The following TFEB variants were observed in gnomAD, a reference collection of about 807,000 sequenced individuals.
TFEB encodes the protein transcription factor EB, also known as T-cell transcription factor EB.
TFEB carries 12 observed loss-of-function variants against 48.0 expected under a neutral mutation model. The ratio of observed to expected loss-of-function variants is 0.25; its 90% CI spans 0.16 to 0.40. TFEB has a LOEUF of 0.40. Ranked by LOEUF, TFEB falls within the 10% of genes least tolerant of loss-of-function variation. TFEB has a pLI of 1.00. For synonymous variants in TFEB, 244 were observed against 261.4 expected (o/e 0.93, Z 0.64); for missense variants, 509 against 640.3 (o/e 0.79, Z 2.21).
At position 41,734,802 on chromosome 6, in the gene TFEB, C is replaced by T. The variant is rs1207261427; in HGVS notation, c.-23+548G>A. ...GAGGGAGAGATGGTACTTCCACCCGCCCCCCCATCAGCCCAGCCCCCGGGG... is the reference window on the plus strand; with the variant it reads ...GAGGGAGAGATGGTACTTCCACCCGTCCCCCCATCAGCCCAGCCCCCGGGG... On this transcript the variant is annotated intron_variant, in intron 1 of 8. Coordinates refer to ENST00000373033, the MANE Select transcript of TFEB (RefSeq NM_001271944.2). This position sits in a 1 kb window ranked among gnomAD's most constrained non-coding sequence, Gnocchi z 4.0. 31 of 658,326 alleles carry T rather than the reference C, an allele frequency of 4.7e-5. No individual in the cohort carries two copies. The South Asian group carries it at 1.9e-3, about 40-fold the overall frequency. 40.8% of individuals were successfully genotyped at this position (658,326 alleles called of 1,614,324 possible). A position where few individuals can be genotyped will look rare whatever the true frequency, so the allele number is the denominator to read the frequency against.
intron 1 of TFEB, among the ~76,000 whole-genome samples, chr6:41,697,408 C>CAAAACAAAAAAAAA (rs1769651853): frequency 1.6e-5 from 1 of 63,520 alleles, no homozygotes; most frequent in Admixed American, 2.0e-4. Flanking sequence ...AACTCCATCT[C>CAAAACAAAAAAAAA]AAAAAAAAAA....
chr6:41,735,056 C>G, intron 1 of TFEB: 3 of 985,234 alleles, frequency 3.0e-6, no homozygotes, highest in Non-Finnish European at 3.6e-6. Flanking sequence ...CATGCCCGCC[C>G]GGCCCCTCCC....
In TFEB at chr6:41,724,353, A is replaced by C. The variant is rs1235978206; in HGVS notation, c.-23+10997T>G. ...TCTGCGTCTCAGGGTGGATGAGTTT[A>C]CTGGGCCCTTTCGTGAGTGCAGGTT... On this transcript the variant is annotated intron_variant, in intron 1 of 8. Coordinates refer to ENST00000373033, the MANE Select transcript of TFEB (RefSeq NM_001271944.2). The surrounding 1 kb of genome is among the most constrained non-coding windows in gnomAD (Gnocchi z 4.4). 1.9e-4 allele frequency among the ~76,000 whole-genome samples: 29 copies of C among 152,126 alleles called. No individual in the cohort carries two copies. The highest frequency in any genetic ancestry group is 1.7e-3 in the Admixed American group (26 of 15,266).
chr6:41,735,541 G>T lies in TFEB; in HGVS notation c.-214C>A. On this transcript the variant is annotated 5_prime_UTR_variant, in exon 1 of 9. Transcript: ENST00000373033. ...GCGCCGCGGCCGCTCCCTGCGTCCC[G>T]CCCGGGCCGCCGCCTCCGCTGTCAC... 1 of 984,442 alleles carries T rather than the reference G, an allele frequency of 1.0e-6. No homozygotes were observed. Among genetic ancestry groups the T allele is most frequent in the Non-Finnish European group, 1.2e-6 (1 of 829,704 alleles). 61.0% of individuals were successfully genotyped at this position (984,442 alleles called of 1,614,324 possible).
intron 1 of TFEB, among the ~76,000 whole-genome samples, chr6:41,729,080 C>T (rs909776474): frequency 6.6e-6 from 1 of 152,000 alleles, no homozygotes; most frequent in Non-Finnish European, 1.5e-5. Flanking sequence ...ACACCAATCT[C>T]GCCCCCACTC....
At chr6:41,728,990 C>G (rs1771334916) in intron 1 of TFEB, among the ~76,000 whole-genome samples, 3 of 152,078 alleles carry the variant, frequency 2.0e-5, no homozygotes, top group Admixed American at 2.0e-4. Context: ...ATGAGGCTCT[C>G]TTCTAGGTGC....
chr6:41,706,402 G>A (rs562610742), intron 1 of TFEB, among the ~76,000 whole-genome samples: 11 of 152,276 alleles, frequency 7.2e-5, no homozygotes, highest in African/African-American at 2.6e-4. Flanking sequence ...GGGGCAGCCA[G>A]TGCTGGCAGA....
intron 1 of TFEB, among the ~76,000 whole-genome samples, chr6:41,722,621 G>C (rs372931169): frequency 3.3e-5 from 5 of 152,234 alleles, no homozygotes; most frequent in Admixed American, 2.6e-4. Flanking sequence ...TCCCCCTCAT[G>C]GGGTGACTGA....
chr6:41,692,303 T>C (rs1769357838), intron 1 of TFEB, among the ~76,000 whole-genome samples: 1 of 152,362 alleles, frequency 6.6e-6, no homozygotes, highest in East Asian at 1.9e-4. Context: ...ACATGGCATA[T>C]GCTGAATGCA....
In TFEB at chr6:41,734,744, C is replaced by T. The variant is rs1392509422; in HGVS notation, c.-23+606G>A. On this transcript the variant is annotated intron_variant, in intron 1 of 8. Coordinates refer to ENST00000373033, the MANE Select transcript of TFEB (RefSeq NM_001271944.2). This position sits in a 1 kb window ranked among gnomAD's most constrained non-coding sequence, Gnocchi z 4.0. Reference sequence around the variant, plus strand: ...GGGACGGGGCCAGGGGCGGCTTCTTCAAGAGACCGAGCTGGAGGAAGGGAC... The same window carrying T: ...GGGACGGGGCCAGGGGCGGCTTCTTTAAGAGACCGAGCTGGAGGAAGGGAC... Among the ~76,000 whole-genome samples, 2 of 151,816 alleles carry T rather than the reference C, an allele frequency of 1.3e-5. No homozygotes were observed. The highest frequency in any genetic ancestry group is 2.9e-5 in the Non-Finnish European group (2 of 67,906).
rs1364536515 is a variant in TFEB, at chr6:41,684,085, G to A, written c.*514C>T. 4.3e-6 allele frequency: 1 copy of A among 231,546 alleles called. No individual in the cohort carries two copies. Among genetic ancestry groups the A allele is most frequent in the Non-Finnish European group, 8.6e-6 (1 of 116,772 alleles). 14.3% of individuals were successfully genotyped at this position (231,546 alleles called of 1,614,324 possible). A position where few individuals can be genotyped will look rare whatever the true frequency, so the allele number is the denominator to read the frequency against. ...GGCAGCCCCCGCGCTCACACCACCT[G>A]GTGGAGAGCTATTAGCACCAAAGTG... On this transcript the variant is annotated 3_prime_UTR_variant, in exon 9 of 9. Transcript: ENST00000373033.
intron 1 of TFEB, among the ~76,000 whole-genome samples, chr6:41,701,537 T>A (rs1204758010): frequency 6.6e-6 from 1 of 152,142 alleles, no homozygotes; most frequent in Non-Finnish European, 1.5e-5. Context: ...TGGCAAACGC[T>A]CCGAGTCCCT....
At chr6:41,709,283 C>T (rs1027298418) in intron 1 of TFEB, among the ~76,000 whole-genome samples, 1 of 150,170 alleles carries the variant, frequency 6.7e-6, no homozygotes, top group East Asian at 1.9e-4. Context: ...CACTTTCTAG[C>T]TGTGTGACCT....
chr6:41,708,385 T>C (rs1770335478), intron 1 of TFEB, among the ~76,000 whole-genome samples: 1 of 152,138 alleles, frequency 6.6e-6, no homozygotes, highest in African/African-American at 2.4e-5. Context: ...CCTCACGATG[T>C]CAAAAGTGCC....
intron 1 of TFEB, among the ~76,000 whole-genome samples, chr6:41,710,036 GC>G (rs1486566496): frequency 6.6e-6 from 1 of 152,088 alleles, no homozygotes; most frequent in East Asian, 1.9e-4. Flanking sequence ...CGATTCTCCT[GC>G]CTCAGCCTCC....
intron 1 of TFEB, among the ~76,000 whole-genome samples, chr6:41,711,945 A>C (rs972697820): frequency 2.6e-5 from 4 of 152,148 alleles, no homozygotes; most frequent in Non-Finnish European, 5.9e-5. Flanking sequence ...CCCAACTTAG[A>C]ATAGAACCAT....
At chr6:41,702,075 C>T (rs1479908890) in intron 1 of TFEB, among the ~76,000 whole-genome samples, 2 of 152,136 alleles carry the variant, frequency 1.3e-5, no homozygotes, top group Non-Finnish European at 2.9e-5. Flanking sequence ...GAGAGGTAAC[C>T]TGGGGCCCAT....
intron 1 of TFEB, among the ~76,000 whole-genome samples, chr6:41,722,372 C>CA (rs1771019126): frequency 1.3e-5 from 2 of 152,232 alleles, no homozygotes; most frequent in African/African-American, 4.8e-5. Context: ...GCTCCCTGGC[C>CA]AGAGCCCACA....
Position 41,723,627 on chromosome 6 carries a change from G to T in TFEB, c.-23+11723C>A. 9.6e-7 allele frequency: 1 copy of T among 1,045,150 alleles called. No individual in the cohort carries two copies. The highest frequency in any genetic ancestry group is 1.5e-5 in the South Asian group (1 of 64,810). 64.7% of individuals were successfully genotyped at this position (1,045,150 alleles called of 1,614,324 possible). On this transcript the variant is annotated intron_variant, in intron 1 of 8. Coordinates refer to ENST00000373033, the MANE Select transcript of TFEB (RefSeq NM_001271944.2). The surrounding 1 kb of genome is among the most constrained non-coding windows in gnomAD (Gnocchi z 6.0). ...CTGCACCTCAGCTGGAGAGGAAGTT[G>T]CACAATCCCCTGGGAGCTGCAAATG... is the stretch of plus-strand genomic sequence containing the variant.
Sources: gnomAD v4.1 joint callset for allele counts (sites outside exome capture counted in the v4.1 genomes callset) on GRCh38, gnomAD v4.1.1 for gene constraint, Gnocchi (gnomAD v3.1) non-coding constraint, MANE v1.5 for transcripts, NCBI Gene and HGNC (gene_info 2026-07-23, HGNC 2026-07-21) for gene names.